The following NTN4 variants were observed in gnomAD, a reference collection of about 807,000 sequenced individuals.
NTN4 encodes the protein netrin-4.
In NTN4, 32 loss-of-function variants were observed where a neutral mutation model predicts 73.6. That is an observed-to-expected ratio of 0.44 (90% CI 0.33 to 0.58). The LOEUF (loss-of-function observed/expected upper bound fraction) is 0.58, where lower values mean the gene tolerates loss of function less well. Among genes scored for constraint, NTN4 ranks in the 20% least tolerant of loss-of-function variants. The pLI, the probability that NTN4 is intolerant of heterozygous loss-of-function variation, is 0.04. For missense variants in NTN4, 654 were observed against 798.3 expected (o/e 0.82, Z 2.18); for synonymous variants, 258 against 287.5 (o/e 0.90, Z 1.04).
At chr12:95,700,080 ATTTTTTTTT>A (rs56063223) in intron 5 of NTN4, among the ~76,000 whole-genome samples, 29 of 41,818 alleles carry the variant, frequency 6.9e-4, no homozygotes, top group African/African-American at 1.1e-3. Flanking sequence ...TAAAGTGAGG[ATTTTTTTTT>A]TTTTTTTTTT....
rs1592695536 is a variant in NTN4, at chr12:95,738,121, T to G, written c.609A>C (p.Pro203=). ...GGEVIFKALS[P]PYDTENPYSA... is the part of the protein sequence containing the mutation. ...TGTAAGGGTTCTCTGTATCGTATGG[T>G]GGTGACAAAGCTTTGAAAATAACCT... The change falls in exon 3 of 10, where the codon CCA becomes CCC. Residue 203 remains proline, a synonymous_variant. Coordinates refer to ENST00000343702, the MANE Select transcript of NTN4 (RefSeq NM_021229.4). The G allele has an allele frequency of 1.9e-6, 3 of 1,613,608 alleles. No individual in the cohort carries two copies. The highest frequency in any genetic ancestry group is 2.5e-6 in the Non-Finnish European group (3 of 1,179,676).
intron 8 of NTN4, among the ~76,000 whole-genome samples, chr12:95,668,922 G>A (rs1303681493): frequency 6.6e-6 from 1 of 152,178 alleles, no homozygotes; most frequent in Non-Finnish European, 1.5e-5. Flanking sequence ...TCAGGAGTTC[G>A]AGACCAGCCT....
At chr12:95,666,533 T>C (rs183855518) in intron 8 of NTN4, among the ~76,000 whole-genome samples, 95 of 152,358 alleles carry the variant, frequency 6.2e-4, no homozygotes, top group Middle Eastern at 3.4e-3. Flanking sequence ...CAATTTCAAA[T>C]GTGACTCCCT....
At chr12:95,752,178 A>G (rs1016007283) in intron 2 of NTN4, among the ~76,000 whole-genome samples, 2 of 151,880 alleles carry the variant, frequency 1.3e-5, no homozygotes, top group African/African-American at 2.4e-5. Flanking sequence ...CGCTTTAAAA[A>G]GATTAAAGCC....
At chr12:95,700,456 T>G (rs952988291) in intron 5 of NTN4, among the ~76,000 whole-genome samples, 1 of 152,140 alleles carries the variant, frequency 6.6e-6, no homozygotes, top group Non-Finnish European at 1.5e-5. Flanking sequence ...ACTCTAAGAT[T>G]GCACATTTTG....
At position 95,786,985 on chromosome 12, in the gene NTN4, A is replaced by AT. The variant is rs761580871; in HGVS notation, c.538dup (p.Ile180AsnfsTer5). On this transcript the variant is annotated frameshift_variant, in exon 2 of 10. Coordinates refer to ENST00000343702, the MANE Select transcript of NTN4 (RefSeq NM_021229.4). LOFTEE classifies it high-confidence loss of function. ...AGGACTGGAGTATTTAGAAGTACAAATAGCGCCCTTCTTGACAACATCATC... is the reference window on the plus strand; with the variant it reads ...AGGACTGGAGTATTTAGAAGTACAAATTAGCGCCCTTCTTGACAACATCATC... The AT allele has an allele frequency of 3.7e-6, 6 of 1,614,052 alleles. No individual in the cohort carries two copies.
chr12:95,754,327 CT>C (rs56747390), intron 2 of NTN4, among the ~76,000 whole-genome samples: 119,799 of 150,168 alleles, frequency 0.8, 48,110 homozygotes, highest in South Asian at 0.9. Flanking sequence ...CACGCCGCCC[CT>C]AATCCCGCTC....
intron 3 of NTN4, among the ~76,000 whole-genome samples, chr12:95,723,294 C>G (rs968714642): frequency 6.0e-5 from 4 of 66,722 alleles, no homozygotes; most frequent in Admixed American, 3.2e-4. Flanking sequence ...CCTGTGCCCA[C>G]CACCAAGAGA....
At chr12:95,688,175 C>T (rs2078376313) in intron 5 of NTN4, among the ~76,000 whole-genome samples, 1 of 152,004 alleles carries the variant, frequency 6.6e-6, no homozygotes, top group South Asian at 2.1e-4. Context: ...TGGGGAGAGG[C>T]TGGTGGCAGG....
At chr12:95,751,700 A>G (rs564345473) in intron 2 of NTN4, among the ~76,000 whole-genome samples, 28 of 152,054 alleles carry the variant, frequency 1.8e-4, no homozygotes, top group African/African-American at 2.2e-4. Context: ...CACGGACGCC[A>G]AGCTTCAGGT....
At position 95,790,417 on chromosome 12, in the gene NTN4, G is replaced by T; in HGVS notation, c.-108C>A. ...GTCCTCGGGAGGGAACGGGGCCCTG[G>T]TTTCTTCCTCCTCCTGGGGCGCCGG... On this transcript the variant is annotated 5_prime_UTR_variant, in exon 1 of 10. Transcript: ENST00000343702. This position sits in a 1 kb window ranked among gnomAD's most constrained non-coding sequence, Gnocchi z 6.5. 1.0e-6 allele frequency: 1 copy of T among 963,676 alleles called. No homozygotes were observed. The highest frequency in any genetic ancestry group is 1.4e-6 in the Non-Finnish European group (1 of 693,586). 59.7% of individuals were successfully genotyped at this position (963,676 alleles called of 1,614,324 possible).
At chr12:95,681,738 G>GAAAA (rs2078317478) in intron 7 of NTN4, among the ~76,000 whole-genome samples, 1 of 152,198 alleles carries the variant, frequency 6.6e-6, no homozygotes, top group Non-Finnish European at 1.5e-5. Flanking sequence ...CAATGTCATA[G>GAAAA]GGAAATTGAG....
intron 5 of NTN4, among the ~76,000 whole-genome samples, chr12:95,697,392 G>A (rs2078450519): frequency 6.6e-6 from 1 of 152,118 alleles, no homozygotes; most frequent in African/African-American, 2.4e-5. Context: ...TTTATAGAAA[G>A]TTGCTGTAGT....
intron 7 of NTN4, among the ~76,000 whole-genome samples, chr12:95,680,552 G>A (rs12367796): frequency 6.6e-6 from 1 of 152,344 alleles, no homozygotes; most frequent in Middle Eastern, 3.4e-3. Flanking sequence ...ATTTACGGCA[G>A]TGTTATTTAT....
chr12:95,676,030 G>A (rs989465364), intron 7 of NTN4, among the ~76,000 whole-genome samples: 5 of 152,154 alleles, frequency 3.3e-5, no homozygotes, highest in African/African-American at 9.7e-5. Flanking sequence ...AATCCAAGTT[G>A]CCCTCCTGGT....
intron 5 of NTN4, 68 bp downstream of exon 5, chr12:95,710,373 A>G: frequency 1.5e-6 from 2 of 1,300,802 alleles, no homozygotes; most frequent in Non-Finnish European, 1.1e-6. Flanking sequence ...GGGTTAGCAG[A>G]ATGAGGGATA....
intron 3 of NTN4, among the ~76,000 whole-genome samples, chr12:95,732,396 C>CTTTTTT (rs35575824): frequency 8.9e-6 from 1 of 112,858 alleles, no homozygotes; most frequent in Non-Finnish European, 1.7e-5. Flanking sequence ...CTTTCTTCCT[C>CTTTTTT]TTTTTTTTTT....
At chr12:95,675,275 G>A (rs1289989918) in intron 7 of NTN4, among the ~76,000 whole-genome samples, 1 of 152,170 alleles carries the variant, frequency 6.6e-6, no homozygotes. Context: ...AAAAAACCAT[G>A]ATACAGATGG....
intron 2 of NTN4, among the ~76,000 whole-genome samples, chr12:95,776,010 C>T (rs1174051151): frequency 5.9e-5 from 9 of 152,218 alleles, no homozygotes; most frequent in East Asian, 3.8e-4. Context: ...CAGCAATATT[C>T]GCTGTTCTGT....
Sources: gnomAD v4.1 joint callset for allele counts (sites outside exome capture counted in the v4.1 genomes callset) on GRCh38, gnomAD v4.1.1 for gene constraint, Gnocchi (gnomAD v3.1) non-coding constraint, MANE v1.5 for transcripts, NCBI Gene and HGNC (gene_info 2026-07-23, HGNC 2026-07-21) for gene names.